DBX1: variants seen among roughly 807,000 people sequenced by gnomAD.
DBX1 encodes homeobox protein DBX1.
DBX1 carries 10 observed loss-of-function variants against 20.8 expected under a neutral mutation model. That is an observed-to-expected ratio of 0.48 (90% confidence interval 0.30 to 0.82). DBX1 has a LOEUF of 0.82. DBX1 is among the 40% of genes least tolerant of loss of function. DBX1 has a pLI of 0.07. For synonymous variants in DBX1, 241 were observed against 213.9 expected (o/e 1.13, Z -1.11); for missense variants, 505 against 468.8 (o/e 1.08, Z -0.71).
chr11:20,159,152 G>T, intron 2 of DBX1, 39 bp downstream of exon 2: 1 of 1,447,992 alleles, frequency 6.9e-7, no homozygotes, highest in Non-Finnish European at 9.7e-7. Context: ...GGGCTGGGGC[G>T]CCGCCCTGCC....
At chr11:20,158,695 G>A (rs2063672953) in intron 2 of DBX1, among the ~76,000 whole-genome samples, 1 of 152,074 alleles carries the variant, frequency 6.6e-6, no homozygotes, top group African/African-American at 2.4e-5. Context: ...GGCACCCCAT[G>A]TGGTCTTGTG....
At chr11:20,157,886 A>C (rs2063668723) in intron 2 of DBX1, among the ~76,000 whole-genome samples, 1 of 152,184 alleles carries the variant, frequency 6.6e-6, no homozygotes, top group Non-Finnish European at 1.5e-5. Flanking sequence ...TTTAAGCGAA[A>C]GAAAAAAACA....
chr11:20,159,717 C>G (rs2153737943), intron 1 of DBX1, among the ~76,000 whole-genome samples: 1 of 152,316 alleles, frequency 6.6e-6, no homozygotes, highest in African/African-American at 2.4e-5. Context: ...GATGACTGCG[C>G]ACAGTCTCCG....
intron 2 of DBX1, 100 bp downstream of exon 2, chr11:20,159,091 C>A (rs1289067791): frequency 5.9e-6 from 5 of 848,668 alleles, no homozygotes; most frequent in African/African-American, 5.0e-5. Context: ...AGAGCATAAC[C>A]CCGAGGGGTG....
At position 20,156,240 on chromosome 11, in the gene DBX1, C is replaced by T. The variant is rs752690209; in HGVS notation, c.1006G>A (p.Glu336Lys). ...SDSEEEEEGE[E>K]QEEITVS ...TAGGACACGGTGATTTCCTCCTGTT[C>T]CTCGCCCTCCTCTTCCTCCTCGGAA... The change falls in exon 4 of 4, where the codon GAA (glutamate) becomes AAA (lysine). Residue 336 changes from glutamate to lysine, a missense_variant. Transcript: ENST00000524983. This position sits in a 1 kb window ranked among gnomAD's most constrained non-coding sequence, Gnocchi z 4.8. 4 of 1,520,200 alleles carry T rather than the reference C, an allele frequency of 2.6e-6. No homozygotes were observed. The highest frequency in any genetic ancestry group is 1.3e-5 in the South Asian group (1 of 75,258). The allele number at this position is 1,520,200 out of a possible 1,614,324, so 94.2% of individuals were successfully genotyped here. A position where few individuals can be genotyped will look rare whatever the true frequency, so the allele number is the denominator to read the frequency against.
chr11:20,160,096 T>C lies in DBX1; in HGVS notation c.229A>G (p.Thr77Ala). The change falls in exon 1 of 4, where the codon ACG becomes GCG. Residue 77 changes from threonine (T) to alanine (A), a missense_variant. Transcript: ENST00000524983. ...GGGGAGCCCAGGTCCGAGGCCCCCG[T>C]GTCGGTGAGGGCCGTGGGGGCCCCC... is the stretch of plus-strand genomic sequence containing the variant. ...RQGAPTALTD[T>A]GASDLGSPGP... 1 of 1,557,814 alleles carries C rather than the reference T, an allele frequency of 6.4e-7. No individual in the cohort carries two copies. Among genetic ancestry groups the C allele is most frequent in the South Asian group, 1.2e-5 (1 of 85,004 alleles).
Position 20,156,299 on chromosome 11 carries a change from G to C in DBX1, c.947C>G (p.Ser316Trp), listed in dbSNP as rs1434125035. ...GTCCGAAGGTTTCCCGGGACTGCTC[G>C]AGTGCGCGGGCGAGGGGGGCAGCGG... ...PGPLPPSPAH[S>W]SSPGKPSDFS... is the part of the protein sequence containing the mutation. Residue 316 changes from serine to tryptophan, a missense_variant, in exon 4 of 4, where the codon TCG becomes TGG. Physicochemically the swap from Ser to Trp is radical, Grantham distance 177. Coordinates refer to ENST00000524983, the MANE Select transcript of DBX1 (RefSeq NM_001029865.4). The surrounding 1 kb of genome is among the most constrained non-coding windows in gnomAD (Gnocchi z 4.8). 6.5e-7 allele frequency: 1 copy of C among 1,549,618 alleles called. No individual in the cohort carries two copies. The highest frequency in any genetic ancestry group is 8.7e-7 in the Non-Finnish European group (1 of 1,149,214).
At chr11:20,157,280 C>T in intron 2 of DBX1, 41 bp from the exon 3 acceptor site, 2 of 1,511,668 alleles carry the variant, frequency 1.3e-6, no homozygotes, top group South Asian at 1.2e-5. Context: ...GGGCGTACGC[C>T]CCCCAGTCCC....
chr11:20,156,489 G>C lies in DBX1; in HGVS notation c.757C>G (p.Gln253Glu). The change falls in exon 4 of 4, where the codon CAG becomes GAG. Residue 253 changes from glutamine (Q) to glutamate (E), a missense_variant. Gln to Glu is a conservative substitution (Grantham distance 29). Coordinates refer to ENST00000524983, the MANE Select transcript of DBX1 (RefSeq NM_001029865.4). The surrounding 1 kb of genome is among the most constrained non-coding windows in gnomAD (Gnocchi z 4.8). ...ELLSSGGCRE[Q>E]TLPTKLNPHP... is the part of the protein sequence containing the mutation. ...GGATTGAGCTTGGTGGGCAGGGTCTGCTCGCGACAGCCCCCGCTAGACAGG... is the reference window on the plus strand; with the variant it reads ...GGATTGAGCTTGGTGGGCAGGGTCTCCTCGCGACAGCCCCCGCTAGACAGG... The C allele has an allele frequency of 3.7e-6, 6 of 1,613,884 alleles. No homozygotes were observed. In the South Asian group the frequency reaches 6.6e-5, roughly 18 times the overall value.
intron 2 of DBX1, among the ~76,000 whole-genome samples, chr11:20,158,493 TG>T (rs1301551073): frequency 6.6e-6 from 1 of 152,200 alleles, no homozygotes; most frequent in Non-Finnish European, 1.5e-5. Flanking sequence ...AAGGTGTTGC[TG>T]TTTTAGGCTG....
rs1462585192 is a variant in DBX1, at chr11:20,160,296, G to T, written c.29C>A (p.Pro10His). Reference sequence around the variant, plus strand: ...CCGCAGGAGGCTAGGGTACCCGGCGGGGGGCGCGAGGAGGCCGGGGAACAT... The same window carrying T: ...CCGCAGGAGGCTAGGGTACCCGGCGTGGGGCGCGAGGAGGCCGGGGAACAT... MMFPGLLAPPAGYPSLLRPT... is the reference protein window; with the variant it reads MMFPGLLAPHAGYPSLLRPT... Residue 10 changes from proline (P) to histidine (H), a missense_variant, in exon 1 of 4, where the codon CCC becomes CAC. By Grantham distance (77) the Pro-to-His change is moderately conservative (BLOSUM62 -2). Coordinates refer to ENST00000524983, the MANE Select transcript of DBX1 (RefSeq NM_001029865.4). 2.0e-6 allele frequency: 3 copies of T among 1,528,204 alleles called. No homozygotes were observed. Among genetic ancestry groups the T allele is most frequent in the Non-Finnish European group, 1.8e-6 (2 of 1,139,462 alleles). The allele number at this position is 1,528,204 out of a possible 1,614,324, so 94.7% of individuals were successfully genotyped here. A position where few individuals can be genotyped will look rare whatever the true frequency, so the allele number is the denominator to read the frequency against.
rs2063655089 is a variant in DBX1, at chr11:20,156,281, G to T, written c.965C>A (p.Pro322His). Residue 322 changes from proline (P) to histidine (H), a missense_variant, in exon 4 of 4, where the codon CCT becomes CAT. Pro to His is a moderately conservative substitution (Grantham distance 77, BLOSUM62 -2). Coordinates refer to ENST00000524983, the MANE Select transcript of DBX1 (RefSeq NM_001029865.4). The surrounding 1 kb of genome is among the most constrained non-coding windows in gnomAD (Gnocchi z 4.8). The part of the protein sequence containing the change: ...SPAHSSSPGK[P>H]SDFSDSEEEE... ...CTCCTCGGAATCTGAGAAGTCCGAA[G>T]GTTTCCCGGGACTGCTCGAGTGCGC... 6.5e-7 allele frequency: 1 copy of T among 1,530,972 alleles called. No homozygotes were observed. The highest frequency in any genetic ancestry group is 1.4e-5 in the African/African-American group (1 of 72,256). The allele number at this position is 1,530,972 out of a possible 1,614,324, so 94.8% of individuals were successfully genotyped here.
At chr11:20,157,381 A>G in intron 2 of DBX1, 142 bp from the exon 3 acceptor site, 1 of 766,388 alleles carries the variant, frequency 1.3e-6, no homozygotes, top group South Asian at 1.9e-5. Context: ...ACGAACCTAC[A>G]AACCTGCGAG....
intron 1 of DBX1, 42 bp downstream of exon 1, chr11:20,159,916 C>A: frequency 6.2e-7 from 1 of 1,613,544 alleles, no homozygotes; most frequent in South Asian, 1.1e-5. Context: ...TCCGCGCATG[C>A]CTAGTACCTG....
At position 20,156,985 on chromosome 11, in the gene DBX1, G is replaced by A. The variant is rs969161717; in HGVS notation, c.672+52C>T. The A allele has an allele frequency of 3.1e-5, 49 of 1,570,764 alleles. No homozygotes were observed. Among genetic ancestry groups the A allele is most frequent in the African/African-American group, 4.2e-5 (3 of 70,784 alleles). ...CCCTTGCAATTGACGGGTGCGCCGGGGAGGGGTGAAGGGCGGGGGCGGGGG... is the reference window on the plus strand; with the variant it reads ...CCCTTGCAATTGACGGGTGCGCCGGAGAGGGGTGAAGGGCGGGGGCGGGGG... On this transcript the variant is annotated intron_variant, in intron 3 of 3. Coordinates refer to ENST00000524983, the MANE Select transcript of DBX1 (RefSeq NM_001029865.4). This position sits in a 1 kb window ranked among gnomAD's most constrained non-coding sequence, Gnocchi z 4.8.
intron 2 of DBX1, among the ~76,000 whole-genome samples, chr11:20,158,218 G>C: frequency 7.6e-6 from 1 of 131,460 alleles, no homozygotes; most frequent in Non-Finnish European, 1.6e-5. Context: ...GGTGGTGGTG[G>C]TGGTGGTGGT....
intron 2 of DBX1, among the ~76,000 whole-genome samples, chr11:20,158,349 G>A (rs980506608): frequency 6.6e-6 from 1 of 152,026 alleles, no homozygotes; most frequent in African/African-American, 2.4e-5. Flanking sequence ...ATCCCCCGCA[G>A]GCCATACCCA....
Position 20,160,153 on chromosome 11 carries a change from C to G in DBX1, c.172G>C (p.Val58Leu). The change falls in exon 1 of 4, where the codon GTG (valine) becomes CTG (leucine). Residue 58 changes from valine to leucine, a missense_variant. Transcript: ENST00000524983. ...GGCGGCGACATGCTGGCGGTGGGCA[C>G]GCTGCGGGGCAGGTAGGCGGGGGGT... is the stretch of plus-strand genomic sequence containing the variant. Reference protein sequence around the residue: ...SRPPAYLPRSVPTASMSPPRQ... With the variant: ...SRPPAYLPRSLPTASMSPPRQ... 6.5e-7 allele frequency: 1 copy of G among 1,547,888 alleles called. No individual in the cohort carries two copies. The highest frequency in any genetic ancestry group is 1.2e-5 in the South Asian group (1 of 83,924).
Position 20,157,177 on chromosome 11 carries a change from G to A in DBX1, c.532C>T (p.Pro178Ser). ...FSWPLAARGK[P>S]RRGMLRRAVF... ...GCTCGACGCAGCATGCCCCGCCGAG[G>A]CTTCCCGCGCGCGGCCAGCGGCCAG... Residue 178 changes from proline (P) to serine (S), a missense_variant, in exon 3 of 4, where the codon CCT (proline) becomes TCT (serine). Physicochemically the swap from Pro to Ser is moderately conservative, Grantham distance 74. Transcript: ENST00000524983. 1.2e-6 allele frequency: 2 copies of A among 1,606,778 alleles called. No homozygotes were observed. The highest frequency in any genetic ancestry group is 8.5e-7 in the Non-Finnish European group (1 of 1,177,438).
Sources: allele counts gnomAD v4.1 joint callset (sites outside exome capture counted in the v4.1 genomes callset), GRCh38; gene constraint gnomAD v4.1.1; non-coding constraint Gnocchi (gnomAD v3.1); transcripts MANE v1.5; gene names NCBI Gene and HGNC (gene_info 2026-07-23, HGNC 2026-07-21).